Variants in SCARA5 observed in about 807,000 individuals in gnomAD.
SCARA5 encodes scavenger receptor class A, member 5 (putative).
A neutral mutation model predicts 46.3 loss-of-function variants in SCARA5; 45 were observed. The ratio of observed to expected loss-of-function variants is 0.97; its 90% CI spans 0.76 to 1.24. The LOEUF (loss-of-function observed/expected upper bound fraction) is 1.24, where lower values mean the gene tolerates loss of function less well. Ranked by LOEUF, SCARA5 falls within the 50% of genes most tolerant of loss-of-function variation. The pLI is 0.00. For synonymous variants in SCARA5, 333 were observed against 306.5 expected, an observed-to-expected ratio of 1.09 and a Z score of -0.90; for missense variants, 680 against 689.0, an observed-to-expected ratio of 0.99 and a Z score of 0.15.
At chr8:27,922,287 G>T in intron 3 of SCARA5, 42 bp from the exon 4 acceptor site, 2 of 1,441,170 alleles carry the variant, frequency 1.4e-6, no homozygotes, top group Non-Finnish European at 1.8e-6. Context: ...CCGCTGGGGA[G>T]GAAGGCCCCG....
At chr8:27,982,634 G>A (rs1808640959) in intron 2 of SCARA5, among the ~76,000 whole-genome samples, 1 of 152,168 alleles carries the variant, frequency 6.6e-6, no homozygotes. Flanking sequence ...GACAGCAATG[G>A]CCAAGACGCA....
At chr8:27,932,771 G>C (rs926759464) in intron 3 of SCARA5, among the ~76,000 whole-genome samples, 6 of 152,234 alleles carry the variant, frequency 3.9e-5, no homozygotes, top group African/African-American at 1.4e-4. Flanking sequence ...TGGGATTACA[G>C]GCACCTGCCA....
chr8:27,966,189 A>C (rs960078458), intron 3 of SCARA5, among the ~76,000 whole-genome samples: 5 of 152,242 alleles, frequency 3.3e-5, no homozygotes, highest in African/African-American at 1.2e-4. Context: ...CCAAGCAGCT[A>C]GGTCTCTACT....
chr8:27,915,416 T>A (rs1365084914), intron 4 of SCARA5, among the ~76,000 whole-genome samples: 2 of 152,102 alleles, frequency 1.3e-5, no homozygotes. Flanking sequence ...TGGCTCACCA[T>A]ACAACGTCCC....
At chr8:27,936,787 T>C (rs891130047) in intron 3 of SCARA5, among the ~76,000 whole-genome samples, 1 of 152,002 alleles carries the variant, frequency 6.6e-6, no homozygotes, top group African/African-American at 2.4e-5. Flanking sequence ...TAGGATGGCC[T>C]GTCAGAACTT....
At chr8:27,885,616 A>C (rs1288137011) in intron 7 of SCARA5, among the ~76,000 whole-genome samples, 1 of 152,158 alleles carries the variant, frequency 6.6e-6, no homozygotes, top group Non-Finnish European at 1.5e-5. Context: ...CTTTGGTGGC[A>C]ACCTGAATGG....
rs988896128 is a variant in SCARA5 at position 27,982,383 on chromosome 8, T to C, written c.112+5121A>G. On this transcript the variant is annotated intron_variant, in intron 2 of 8. Transcript: ENST00000354914. ...AAGGCGGGAGAAAGGAAGGTGGGGG[T>C]GGGGTGGGGGGCGGGAGGAGGGAGG... Among the ~76,000 whole-genome samples the C allele has an allele frequency of 1.4e-4, 7 of 49,210 alleles. No homozygotes were observed. In the South Asian group the frequency reaches 4.9e-3, roughly 34 times the overall value. The allele number at this position is 49,210 out of a possible 152,430, so 32.3% of individuals were successfully genotyped here. A position where few individuals can be genotyped will look rare whatever the true frequency, so the allele number is the denominator to read the frequency against.
At position 27,926,342 on chromosome 8, in the gene SCARA5, CAAG is replaced by C. The variant is rs561066560; in HGVS notation, c.242-4100_242-4098del. ...AACCATCATTCTCAGCAAACTATCA[CAAG>C]GACAGAAAACCAAACACTGCATGTT... On this transcript the variant is annotated intron_variant, in intron 3 of 8. Coordinates refer to ENST00000354914, the MANE Select transcript of SCARA5 (RefSeq NM_173833.6). Among the ~76,000 whole-genome samples, 188 of 152,104 alleles carry C rather than the reference CAAG, an allele frequency of 1.2e-3. 1 individual carries two copies. The highest frequency in any genetic ancestry group is 4.1e-3 in the African/African-American group (169 of 41,466).
intron 4 of SCARA5, among the ~76,000 whole-genome samples, chr8:27,915,218 G>A (rs1215416158): frequency 1.3e-5 from 2 of 152,010 alleles, no homozygotes; most frequent in African/African-American, 2.4e-5. Flanking sequence ...ATCTCTCTGT[G>A]ACCCTGAGAA....
At chr8:27,953,394 GCT>G (rs1411128993) in intron 3 of SCARA5, among the ~76,000 whole-genome samples, 2 of 152,244 alleles carry the variant, frequency 1.3e-5, no homozygotes, top group African/African-American at 4.8e-5. Context: ...TTGACGCATT[GCT>G]CTGTCCAGCC....
rs780364541 is a variant in SCARA5 at position 27,966,467 on chromosome 8, A to G, written c.188T>C (p.Leu63Pro). The change falls in exon 3 of 9, where the codon CTG (leucine) becomes CCG (proline). Residue 63 changes from leucine (L) to proline (P), a missense_variant. By Grantham distance (98) the Leu-to-Pro change is moderately conservative. This residue lies in a region of SCARA5 where 438 missense variants were observed against 384.5 expected (regional missense o/e 1.14). Transcript: ENST00000354914. ...GSLSALKHAVLGLYLLVFLIL... is the reference protein window; with the variant it reads ...GSLSALKHAVPGLYLLVFLIL... Reference sequence around the variant, plus strand: ...CAGGAAGACCAGCAGGTAGAGCCCCAGGACAGCATGCTTCAGGGCCGACAG... The same window carrying G: ...CAGGAAGACCAGCAGGTAGAGCCCCGGGACAGCATGCTTCAGGGCCGACAG... The G allele has an allele frequency of 6.2e-7, 1 of 1,613,900 alleles. No individual in the cohort carries two copies. Among genetic ancestry groups the G allele is most frequent in the Non-Finnish European group, 8.5e-7 (1 of 1,179,878 alleles).
At chr8:27,923,306 A>G (rs1322773142) in intron 3 of SCARA5, among the ~76,000 whole-genome samples, 1 of 152,170 alleles carries the variant, frequency 6.6e-6, no homozygotes, top group Non-Finnish European at 1.5e-5. Context: ...TGCTGTGCCA[A>G]CAGCCTGTCT....
intron 4 of SCARA5, among the ~76,000 whole-genome samples, chr8:27,915,696 C>T (rs1289463030): frequency 2.6e-5 from 4 of 152,184 alleles, no homozygotes; most frequent in African/African-American, 4.8e-5. Flanking sequence ...TTTCATGAAT[C>T]CAGAGATGTA....
chr8:27,958,644 T>C (rs1197693095), intron 3 of SCARA5, among the ~76,000 whole-genome samples: 1 of 152,202 alleles, frequency 6.6e-6, no homozygotes, highest in Admixed American at 6.5e-5. Context: ...TAAAAATAAA[T>C]GACAGATGTC....
intron 2 of SCARA5, among the ~76,000 whole-genome samples, chr8:27,976,102 C>G (rs894968009): frequency 5.3e-5 from 8 of 151,732 alleles, no homozygotes; most frequent in Non-Finnish European, 7.4e-5. Context: ...GCCCGGTGTG[C>G]GTCTTCTTCC....
intron 3 of SCARA5, among the ~76,000 whole-genome samples, chr8:27,960,793 C>G (rs1289459157): frequency 2.7e-5 from 3 of 111,100 alleles, no homozygotes; most frequent in Admixed American, 1.0e-4. Context: ...CAGCTTATAT[C>G]CTGTTCATGA....
intron 3 of SCARA5, among the ~76,000 whole-genome samples, chr8:27,934,330 C>T (rs372640957): frequency 6.6e-6 from 1 of 152,168 alleles, no homozygotes; most frequent in South Asian, 2.1e-4. Flanking sequence ...CAGGCAAATG[C>T]GGCCTTGAAT....
In SCARA5 at chr8:27,922,065, G is replaced by A. The variant is rs1472054381; in HGVS notation, c.422C>T (p.Ala141Val). ...ALQNQSDSLL[A>V]LAGAVQRLEG... ...CAGCCGCTGCACTGCGCCCGCCAGC[G>A]CCAGCAACGAGTCTGACTGGTTCTG... The change falls in exon 4 of 9, where the codon GCG becomes GTG. Residue 141 changes from alanine (A) to valine (V), a missense_variant. Ala to Val is a moderately conservative substitution (Grantham distance 64). This residue lies in a region of SCARA5 where 438 missense variants were observed against 384.5 expected (regional missense o/e 1.14). Transcript: ENST00000354914. 27 of 1,591,474 alleles carry A rather than the reference G, an allele frequency of 1.7e-5. No individual in the cohort carries two copies. The highest frequency in any genetic ancestry group is 9.1e-5 in the South Asian group (8 of 88,372).
chr8:27,919,991 G>T (rs1807555309), intron 4 of SCARA5, among the ~76,000 whole-genome samples: 1 of 151,286 alleles, frequency 6.6e-6, no homozygotes, highest in Non-Finnish European at 1.5e-5. Context: ...TTTGAGCAGG[G>T]GGATGACGTG....
Sources: gnomAD v4.1 joint callset for allele counts (sites outside exome capture counted in the v4.1 genomes callset) on GRCh38, gnomAD v4.1.1 for gene constraint, gnomAD v4.1.1 regional missense constraint, MANE v1.5 for transcripts, NCBI Gene and HGNC (gene_info 2026-07-23, HGNC 2026-07-21) for gene names.